Variants in SORCS2 observed in about 807,000 individuals in gnomAD.
The protein encoded by SORCS2 is VPS10 domain-containing receptor SorCS2.
Under a neutral mutation model 141.6 loss-of-function variants are expected in SORCS2, and 100 were observed. That is an observed-to-expected ratio of 0.71 (90% CI 0.60 to 0.83). SORCS2 has a LOEUF of 0.83. Ranked by LOEUF, SORCS2 falls within the 40% of genes least tolerant of loss-of-function variation. The pLI, the probability that SORCS2 is intolerant of heterozygous loss-of-function variation, is 0.00. For synonymous variants in SORCS2, 789 were observed against 676.9 expected (o/e 1.17, Z -2.57); for missense variants, 1,646 against 1,560.2 (o/e 1.05, Z -0.93).
intron 1 of SORCS2, among the ~76,000 whole-genome samples, chr4:7,348,006 A>G (rs1352198324): frequency 1.3e-5 from 2 of 152,252 alleles, no homozygotes; most frequent in Non-Finnish European, 2.9e-5. Context: ...GAACAGGCAC[A>G]GGCAACCACA....
At chr4:7,314,539 C>A (rs1718430777) in intron 1 of SORCS2, among the ~76,000 whole-genome samples, 2 of 151,976 alleles carry the variant, frequency 1.3e-5, no homozygotes, top group African/African-American at 4.8e-5. Flanking sequence ...TGGGGTTTCA[C>A]CGTGTTAGCC....
chr4:7,318,000 C>A (rs751882274), intron 1 of SORCS2, among the ~76,000 whole-genome samples: 1 of 152,206 alleles, frequency 6.6e-6, no homozygotes, highest in African/African-American at 2.4e-5. Flanking sequence ...ACCACGAGCA[C>A]GTGTTCATAC....
At chr4:7,255,519 G>T (rs1012056406) in intron 1 of SORCS2, among the ~76,000 whole-genome samples, 3 of 152,112 alleles carry the variant, frequency 2.0e-5, no homozygotes, top group Non-Finnish European at 4.4e-5. Context: ...CAGCCCTTCT[G>T]AGTGGATGGA....
chr4:7,362,060 T>C (rs1446096508), intron 1 of SORCS2, among the ~76,000 whole-genome samples: 1 of 152,174 alleles, frequency 6.6e-6, no homozygotes, highest in African/African-American at 2.4e-5. Flanking sequence ...CGTGGATTTG[T>C]CCTTGCCTCT....
intron 1 of SORCS2, among the ~76,000 whole-genome samples, chr4:7,334,205 C>T (rs527633487): frequency 1.5e-4 from 23 of 152,286 alleles, no homozygotes; most frequent in African/African-American, 5.5e-4. Flanking sequence ...AGGGCTGGGC[C>T]TGGCAGTGAG....
chr4:7,670,465 T>A (rs2108937527), intron 8 of SORCS2, among the ~76,000 whole-genome samples: 1 of 152,360 alleles, frequency 6.6e-6, no homozygotes, highest in Non-Finnish European at 1.5e-5. Context: ...AATATTCCTG[T>A]ATTTGCCATA....
chr4:7,400,160 C>T (rs1201863311), intron 2 of SORCS2, among the ~76,000 whole-genome samples: 2 of 152,106 alleles, frequency 1.3e-5, no homozygotes, highest in Non-Finnish European at 2.9e-5. Context: ...GGCTCCTACC[C>T]CATCCCCAGT....
chr4:7,433,721 A>T, intron 2 of SORCS2: 1 of 1,612,888 alleles, frequency 6.2e-7, no homozygotes, highest in Non-Finnish European at 8.5e-7. Flanking sequence ...TCCGCGTCCC[A>T]CTCTGGGGAC....
rs1355835221 is a variant in SORCS2, at chr4:7,663,397, A to G, written c.953-956A>G. 6.6e-6 allele frequency among the ~76,000 whole-genome samples: 1 copy of G among 152,204 alleles called. No homozygotes were observed. The highest frequency in any genetic ancestry group is 1.5e-5 in the Non-Finnish European group (1 of 68,032). On this transcript the variant is annotated intron_variant, in intron 6 of 26. Coordinates refer to ENST00000507866, the MANE Select transcript of SORCS2 (RefSeq NM_020777.3). The surrounding 1 kb of genome is among the most constrained non-coding windows in gnomAD (Gnocchi z 4.8). ...GACTGATCCTGCCCCTGAGCTAGTCATTTCACTGCATCTCCAGCCAGGCAG... is the reference window on the plus strand; with the variant it reads ...GACTGATCCTGCCCCTGAGCTAGTCGTTTCACTGCATCTCCAGCCAGGCAG...
intron 2 of SORCS2, chr4:7,435,063 G>C (rs1727206393): frequency 1.5e-6 from 1 of 654,844 alleles, no homozygotes; most frequent in Non-Finnish European, 2.6e-6. Flanking sequence ...TGGAGTGCCT[G>C]GAACACTATC....
chr4:7,609,513 G>T (rs573021685), intron 3 of SORCS2, among the ~76,000 whole-genome samples: 1 of 152,294 alleles, frequency 6.6e-6, no homozygotes, highest in East Asian at 1.9e-4. Flanking sequence ...AGCCCCTGTG[G>T]TTTCTCCTTG....
At chr4:7,197,486 C>A (rs1727241084) in intron 1 of SORCS2, among the ~76,000 whole-genome samples, 1 of 152,068 alleles carries the variant, frequency 6.6e-6, no homozygotes, top group African/African-American at 2.4e-5. Context: ...GTCACCCTCC[C>A]CCGATAATGC....
intron 1 of SORCS2, among the ~76,000 whole-genome samples, chr4:7,208,597 C>G (rs1727879054): frequency 6.6e-6 from 1 of 152,190 alleles, no homozygotes; most frequent in Non-Finnish European, 1.5e-5. Context: ...GCAGCTCCAT[C>G]CTCTGTCTGC....
In SORCS2 at chr4:7,710,042, G is replaced by C. The variant is rs375278079; in HGVS notation, c.1869-2691G>C. Among the ~76,000 whole-genome samples the C allele has an allele frequency of 3.9e-5, 6 of 152,324 alleles. No homozygotes were observed. The East Asian group carries it at 7.7e-4, about 20-fold the overall frequency. ...TTTCTCATGGTATCAGCTGAGGGTTGAGGTTTCATAAAAGGCAGGGCTTCA... is the reference window on the plus strand; with the variant it reads ...TTTCTCATGGTATCAGCTGAGGGTTCAGGTTTCATAAAAGGCAGGGCTTCA... On this transcript the variant is annotated intron_variant, in intron 14 of 26. Coordinates refer to ENST00000507866, the MANE Select transcript of SORCS2 (RefSeq NM_020777.3).
At chr4:7,236,131 A>G (rs1377172106) in intron 1 of SORCS2, among the ~76,000 whole-genome samples, 2 of 152,368 alleles carry the variant, frequency 1.3e-5, no homozygotes, top group African/African-American at 4.8e-5. Context: ...GGGTACCTAT[A>G]CCTGCACAGA....
chr4:7,534,146 C>G (rs1711903892), intron 3 of SORCS2, among the ~76,000 whole-genome samples: 1 of 152,212 alleles, frequency 6.6e-6, no homozygotes, highest in African/African-American at 2.4e-5. Context: ...AGAGGCTCAG[C>G]TGACTTTAAA....
In SORCS2 at chr4:7,663,314, ATGAG is replaced by A. The variant is rs1251588027; in HGVS notation, c.953-1027_953-1024del. Among the ~76,000 whole-genome samples, 2 of 151,782 alleles carry A rather than the reference ATGAG, an allele frequency of 1.3e-5. No individual in the cohort carries two copies. The highest frequency in any genetic ancestry group is 2.1e-4 in the South Asian group (1 of 4,810). ...AGTGAATGAGTGACTGAGTGAATGA[ATGAG>A]TGAGTGAGTGATTGAGTGAGTGAGT... On this transcript the variant is annotated intron_variant, in intron 6 of 26. Coordinates refer to ENST00000507866, the MANE Select transcript of SORCS2 (RefSeq NM_020777.3). This position sits in a 1 kb window ranked among gnomAD's most constrained non-coding sequence, Gnocchi z 4.8.
intron 2 of SORCS2, among the ~76,000 whole-genome samples, chr4:7,460,292 G>A (rs1437584295): frequency 6.6e-6 from 1 of 152,250 alleles, no homozygotes; most frequent in Non-Finnish European, 1.5e-5. Context: ...GGTCCCCGAT[G>A]CTGCCATCTT....
chr4:7,219,072 G>A lies in SORCS2; in HGVS notation c.480+25946G>A, dbSNP rs1728544514. Among the ~76,000 whole-genome samples, 3 of 151,956 alleles carry A rather than the reference G, an allele frequency of 2.0e-5. No homozygotes were observed. The South Asian group carries it at 6.2e-4, about 32-fold the overall frequency. On this transcript the variant is annotated intron_variant, in intron 1 of 26. Transcript: ENST00000507866. Reference sequence around the variant, plus strand: ...GCACAGCTGGCTCCTACTCATTTTGGGGACCACTATGTCTTTCTTCTCTGC... The same window carrying A: ...GCACAGCTGGCTCCTACTCATTTTGAGGACCACTATGTCTTTCTTCTCTGC...
Sources: allele counts gnomAD v4.1 joint callset (sites outside exome capture counted in the v4.1 genomes callset), GRCh38; gene constraint gnomAD v4.1.1; non-coding constraint Gnocchi (gnomAD v3.1); transcripts MANE v1.5; gene names NCBI Gene and HGNC (gene_info 2026-07-23, HGNC 2026-07-21).